Variants in OR11G2 observed in about 807,000 individuals in gnomAD.
The protein encoded by OR11G2 is olfactory receptor 11G2.
Under a neutral mutation model 0.9 loss-of-function variants are expected in OR11G2, and 2 were observed. The ratio of observed to expected loss-of-function variants is 2.35; its 90% CI spans 0.96 to 7.38. The LOEUF (loss-of-function observed/expected upper bound fraction) is 7.38. OR11G2 is among the 30% of genes most tolerant of loss of function. The probability of loss-of-function intolerance (pLI) is 0.05; values close to 1 mark genes in which losing one functional copy is unlikely to be tolerated. For missense variants in OR11G2, 395 were observed against 371.3 expected, an observed-to-expected ratio of 1.06 and a Z score of -0.52; for synonymous variants, 153 against 142.0, an observed-to-expected ratio of 1.08 and a Z score of -0.55.
chr14:20,197,182 T>G (rs1879768833), intron 1 of OR11G2, among the ~76,000 whole-genome samples: 1 of 152,262 alleles, frequency 6.6e-6, no homozygotes, highest in East Asian at 1.9e-4. Context: ...AGCTTATCAA[T>G]TTTGGTCAAA....
intron 1 of OR11G2, 143 bp downstream of exon 1, chr14:20,191,809 C>T (rs992614725): frequency 7.9e-5 from 12 of 152,150 alleles, no homozygotes; most frequent in African/African-American, 2.9e-4. Context: ...TTGTTAGACT[C>T]TCAAAGTCGA....
chr14:20,197,290 C>A, intron 1 of OR11G2, 144 bp from the exon 2 acceptor site: 1 of 1,054,434 alleles, frequency 9.5e-7, no homozygotes, highest in Non-Finnish European at 1.4e-6. Flanking sequence ...ATTGACATAT[C>A]TGCATTCTGT....
rs1359401070 is a variant in OR11G2 at position 20,191,337 on chromosome 14, C to T, written c.-334C>T. On this transcript the variant is annotated 5_prime_UTR_variant, in exon 1 of 2. Coordinates refer to ENST00000641879, the MANE Select transcript of OR11G2 (RefSeq NM_001386033.1). ...GATCCACACTGCCTTTTTGAGCTAG[C>T]CTTGGGGAAAAAGTAAAACATCAGA... The T allele has an allele frequency of 6.6e-6, 1 of 152,138 alleles. No individual in the cohort carries two copies. The highest frequency in any genetic ancestry group is 1.5e-5 in the Non-Finnish European group (1 of 68,028). 9.4% of individuals were successfully genotyped at this position (152,138 alleles called of 1,614,324 possible). A position where few individuals can be genotyped will look rare whatever the true frequency, so the allele number is the denominator to read the frequency against.
rs1044618107 is a variant in OR11G2 at position 20,199,239 on chromosome 14, T to G, written c.*866T>G. 1.2e-4 allele frequency: 18 copies of G among 152,346 alleles called. No homozygotes were observed. Among genetic ancestry groups the G allele is most frequent in the African/African-American group, 3.8e-4 (16 of 41,582 alleles). The allele number at this position is 152,346 out of a possible 1,614,324, so 9.4% of individuals were successfully genotyped here. On this transcript the variant is annotated 3_prime_UTR_variant, in exon 2 of 2. Transcript: ENST00000641879. ...TGTTTCTGCTAGCTATTTTGGGGTC[T>G]CACCGTGTACACACAGCTTAGAAAT... is the stretch of plus-strand genomic sequence containing the variant.
intron 1 of OR11G2, among the ~76,000 whole-genome samples, chr14:20,194,096 T>C (rs1166227878): frequency 6.6e-6 from 1 of 152,204 alleles, no homozygotes; most frequent in Admixed American, 6.5e-5. Context: ...AATCATGAGA[T>C]GATGTTGGAA....
chr14:20,198,319 T>G lies in OR11G2; in HGVS notation c.882T>G (p.Tyr294Ter), dbSNP rs1253251675. 1.2e-6 allele frequency: 2 copies of G among 1,601,676 alleles called. No homozygotes were observed. Among genetic ancestry groups the G allele is most frequent in the Non-Finnish European group, 1.7e-6 (2 of 1,176,606 alleles). ...VVTPLLNPVI[Y>*]SLRNKDMRKA... ...CCCCACTGCTTAACCCTGTGATATA[T>G]AGTCTTAGGAACAAAGATATGAGAA... The change falls in exon 2 of 2, where the codon TAT becomes TAG. Residue 294 changes from tyrosine (Y) to a stop codon, truncating the protein, a stop_gained. Coordinates refer to ENST00000641879, the MANE Select transcript of OR11G2 (RefSeq NM_001386033.1). LOFTEE classifies it high-confidence loss of function.
rs760053493 is a variant in OR11G2, at chr14:20,198,150, G to A, written c.713G>A (p.Arg238Lys). The change falls in exon 2 of 2, where the codon AGA becomes AAA. Residue 238 changes from arginine to lysine, a missense_variant. Arg to Lys is a conservative substitution (Grantham distance 26). Coordinates refer to ENST00000641879, the MANE Select transcript of OR11G2 (RefSeq NM_001386033.1). ...AVLRVPSAAG[R>K]RKAFSTCGSH... ...TTGAGGGTCCCTTCAGCAGCTGGGAGAAGAAAGGCTTTCTCCACCTGTGGG... is the reference window on the plus strand; with the variant it reads ...TTGAGGGTCCCTTCAGCAGCTGGGAAAAGAAAGGCTTTCTCCACCTGTGGG... 1.9e-6 allele frequency: 3 copies of A among 1,614,154 alleles called. No individual in the cohort carries two copies. In the South Asian group the frequency reaches 3.3e-5, roughly 18 times the overall value.
In OR11G2 at chr14:20,198,080, T is replaced by C; in HGVS notation, c.643T>C (p.Phe215Leu). The C allele has an allele frequency of 6.2e-7, 1 of 1,614,142 alleles. No homozygotes were observed. Among genetic ancestry groups the C allele is most frequent in the Non-Finnish European group, 8.5e-7 (1 of 1,180,040 alleles). ...AAGTCCTCTGCCTGTCTTTATGCTC[T>C]TTCTCTTCATTGTGGGGTCCTATGC... ...VLSPLPVFML[F>L]LFIVGSYALV... is the part of the protein sequence containing the mutation. Residue 215 changes from phenylalanine (F) to leucine (L), a missense_variant, in exon 2 of 2, where the codon TTT becomes CTT. Transcript: ENST00000641879.
At chr14:20,196,265 C>T (rs947752682) in intron 1 of OR11G2, among the ~76,000 whole-genome samples, 1 of 152,178 alleles carries the variant, frequency 6.6e-6, no homozygotes, top group African/African-American at 2.4e-5. Flanking sequence ...CAATTGCCTT[C>T]AGCTGGAAAT....
chr14:20,192,085 G>T (rs934562651), intron 1 of OR11G2, among the ~76,000 whole-genome samples: 5 of 151,978 alleles, frequency 3.3e-5, no homozygotes, highest in African/African-American at 7.3e-5. Context: ...TAAAAACGAG[G>T]TTTCAACATG....
chr14:20,194,686 T>C (rs1879717485), intron 1 of OR11G2, among the ~76,000 whole-genome samples: 2 of 152,224 alleles, frequency 1.3e-5, no homozygotes, highest in Non-Finnish European at 2.9e-5. Context: ...ATACACTTAA[T>C]CTTTTTTAGA....
At chr14:20,197,203 A>G (rs17103329) in intron 1 of OR11G2, 57,599 of 607,470 alleles carry the variant, frequency 0.095, 3,104 homozygotes, top group African/African-American at 0.12. Context: ...AGTTTTCTTG[A>G]GCCTATGGTA....
At chr14:20,197,216 A>C in intron 1 of OR11G2, 1 of 650,524 alleles carries the variant, frequency 1.5e-6, no homozygotes, top group Non-Finnish European at 2.6e-6. Flanking sequence ...CTATGGTAAA[A>C]ATGTGAACGC....
intron 1 of OR11G2, among the ~76,000 whole-genome samples, chr14:20,195,078 C>A (rs543926769): frequency 6.6e-6 from 1 of 152,124 alleles, no homozygotes; most frequent in East Asian, 1.9e-4. Context: ...TTACCAGAAC[C>A]TATTCCACCC....
At chr14:20,192,880 C>A (rs968756098) in intron 1 of OR11G2, among the ~76,000 whole-genome samples, 1 of 152,030 alleles carries the variant, frequency 6.6e-6, no homozygotes, top group African/African-American at 2.4e-5. Flanking sequence ...TGAAAGAAGG[C>A]CAGTGTTATA....
intron 1 of OR11G2, among the ~76,000 whole-genome samples, chr14:20,195,391 A>G (rs1879732022): frequency 6.6e-6 from 1 of 152,132 alleles, no homozygotes; most frequent in Admixed American, 6.5e-5. Flanking sequence ...ACATACAAAA[A>G]TTAGCCGGGC....
In OR11G2 at chr14:20,197,619, C is replaced by T. The variant is rs759960686; in HGVS notation, c.182C>T (p.Ala61Val). The T allele has an allele frequency of 3.7e-6, 6 of 1,614,098 alleles. No homozygotes were observed. The highest frequency in any genetic ancestry group is 1.6e-4 in the Middle Eastern group (1 of 6,062). ...GTGCACTGGGATCAGAGACTCCACGCCCCCATGTACATCCTGCTCGCCAAC... is the reference window on the plus strand; with the variant it reads ...GTGCACTGGGATCAGAGACTCCACGTCCCCATGTACATCCTGCTCGCCAAC... ...CAVHWDQRLH[A>V]PMYILLANFS... The change falls in exon 2 of 2, where the codon GCC becomes GTC. Residue 61 changes from alanine (A) to valine (V), a missense_variant. Transcript: ENST00000641879.
chr14:20,197,806 A>C lies in OR11G2; in HGVS notation c.369A>C (p.Ala123=). The C allele has an allele frequency of 6.2e-7, 1 of 1,614,036 alleles. No homozygotes were observed. The highest frequency in any genetic ancestry group is 8.5e-7 in the Non-Finnish European group (1 of 1,180,016). ...AATGCTTTTTCCTGGCAGTTATGGC[A>C]TTTGATCGATACCTTGCCATCTGTC... ...STECFFLAVM[A]FDRYLAICRP... The change falls in exon 2 of 2, where the codon GCA becomes GCC. Residue 123 remains alanine (A), a synonymous_variant. Coordinates refer to ENST00000641879, the MANE Select transcript of OR11G2 (RefSeq NM_001386033.1).
intron 1 of OR11G2, among the ~76,000 whole-genome samples, chr14:20,194,689 T>C (rs1879717678): frequency 1.3e-5 from 2 of 152,222 alleles, no homozygotes; most frequent in Non-Finnish European, 2.9e-5. Context: ...CACTTAATCT[T>C]TTTTAGAAAA....
Sources: allele counts gnomAD v4.1 joint callset (sites outside exome capture counted in the v4.1 genomes callset), GRCh38; gene constraint gnomAD v4.1.1; transcripts MANE v1.5; gene names NCBI Gene and HGNC (gene_info 2026-07-23, HGNC 2026-07-21).